The following TENM2 variants were observed in gnomAD, a reference collection of about 807,000 sequenced individuals.
TENM2 encodes the protein teneurin transmembrane protein 2.
Under a neutral mutation model 245.2 loss-of-function variants are expected in TENM2, and 52 were observed. That is an observed-to-expected ratio of 0.21 (90% CI 0.17 to 0.27). TENM2 has a LOEUF of 0.27. Ranked by LOEUF, TENM2 falls within the 10% of genes least tolerant of loss-of-function variation. TENM2 has a pLI of 1.00. For synonymous variants in TENM2, 1,363 were observed against 1,438.9 expected (o/e 0.95, Z 1.19); for missense variants, 3,046 against 3,666.8 (o/e 0.83, Z 4.37).
At chr5:167,418,245 C>G (rs1158651437) in intron 2 of TENM2, among the ~76,000 whole-genome samples, 1 of 151,456 alleles carries the variant, frequency 6.6e-6, no homozygotes, top group Non-Finnish European at 1.5e-5. Flanking sequence ...GGGAGAATTG[C>G]TTGAACCCCG....
At chr5:167,454,064 C>T (rs928032953) in intron 2 of TENM2, among the ~76,000 whole-genome samples, 1 of 152,078 alleles carries the variant, frequency 6.6e-6, no homozygotes, top group Non-Finnish European at 1.5e-5. Flanking sequence ...TGAATTTTCA[C>T]TTCTTGTAAA....
In TENM2 at chr5:168,218,960, C is replaced by T. The variant is rs1159369038; in HGVS notation, c.5069C>T (p.Ala1690Val). 6.2e-7 allele frequency: 1 copy of T among 1,613,906 alleles called. No individual in the cohort carries two copies. The highest frequency in any genetic ancestry group is 1.1e-5 in the South Asian group (1 of 91,060). ...TATGATGGCAACACTGGGCTCCTGG[C>T]CACCAAGAGCGATGAAACAGGATGG... is the stretch of plus-strand genomic sequence containing the variant. The change falls in exon 23 of 29, where the codon GCC (alanine) becomes GTC (valine). Residue 1690 changes from alanine (A) to valine (V), a missense_variant. By Grantham distance (64) the Ala-to-Val change is moderately conservative (BLOSUM62 0). Transcript: ENST00000518659. This position sits in a 1 kb window ranked among gnomAD's most constrained non-coding sequence, Gnocchi z 5.2.
chr5:168,065,140 T>G (rs1160942763), intron 7 of TENM2, among the ~76,000 whole-genome samples: 1 of 152,112 alleles, frequency 6.6e-6, no homozygotes, highest in Non-Finnish European at 1.5e-5. Flanking sequence ...GGGGTGGGGG[T>G]AGAATATGAA....
At chr5:167,660,960 CTTAGTTG>C (rs1009526244) in intron 2 of TENM2, among the ~76,000 whole-genome samples, 1 of 152,026 alleles carries the variant, frequency 6.6e-6, no homozygotes, top group Non-Finnish European at 1.5e-5. Flanking sequence ...GTATGAAAAA[CTTAGTTG>C]TTAGTATAAA....
Position 167,754,289 on chromosome 5 carries a change from A to G in TENM2, c.503-121697A>G, listed in dbSNP as rs145238437. 1.6e-4 allele frequency among the ~76,000 whole-genome samples: 24 copies of G among 152,292 alleles called. No individual in the cohort carries two copies. In the East Asian group the frequency reaches 4.4e-3, roughly 28 times the overall value. On this transcript the variant is annotated intron_variant, in intron 2 of 28. Transcript: ENST00000518659. The stretch of plus-strand genomic sequence containing the variant: ...AGTGCTTTCCAGTACAGGAAAGGAA[A>G]AATAATCCCTTTCAAACTTGATCAG...
At chr5:168,026,276 T>G (rs1786623194) in intron 5 of TENM2, among the ~76,000 whole-genome samples, 1 of 152,090 alleles carries the variant, frequency 6.6e-6, no homozygotes. Context: ...ACCTAAACAT[T>G]TATTCACTGA....
chr5:168,081,067 A>C (rs111987748), intron 7 of TENM2, among the ~76,000 whole-genome samples: 8,097 of 152,178 alleles, frequency 0.053, 583 homozygotes, highest in East Asian at 0.34. Flanking sequence ...TGGGAGTCTA[A>C]GTCTCTTTGT....
intron 9 of TENM2, among the ~76,000 whole-genome samples, chr5:168,115,350 GGGAAGGAAGGGAAGGAA>G (rs1794976518): frequency 1.2e-5 from 1 of 80,590 alleles, no homozygotes; most frequent in Non-Finnish European, 2.2e-5. Flanking sequence ...AAGGAAAGGA[GGGAAGGAAGGGAAGGAA>G]GGAAGGAAGG....
intron 2 of TENM2, among the ~76,000 whole-genome samples, chr5:167,713,922 A>G (rs551501464): frequency 2.8e-4 from 43 of 152,304 alleles, no homozygotes; most frequent in African/African-American, 9.9e-4. Context: ...AGAATATGCT[A>G]TCTCTACTCA....
chr5:168,068,733 T>TAC (rs1790722265), intron 7 of TENM2, among the ~76,000 whole-genome samples: 1 of 152,054 alleles, frequency 6.6e-6, no homozygotes. Context: ...ATCTCCAACA[T>TAC]ACACACACAC....
intron 2 of TENM2, among the ~76,000 whole-genome samples, chr5:167,498,446 A>G (rs1320372141): frequency 6.6e-6 from 1 of 152,088 alleles, no homozygotes. Flanking sequence ...CCAAGAAGGT[A>G]TGACATTGCC....
In TENM2 at chr5:168,159,909, T is replaced by G. The variant is rs528850640; in HGVS notation, c.2423-2702T>G. Among the ~76,000 whole-genome samples, 40 of 152,306 alleles carry G rather than the reference T, an allele frequency of 2.6e-4. 1 individual carries two copies. In the South Asian group the frequency reaches 7.9e-3, roughly 30 times the overall value. On this transcript the variant is annotated intron_variant, in intron 12 of 28. Coordinates refer to ENST00000518659, the Ensembl canonical transcript of TENM2. Reference sequence around the variant, plus strand: ...AATCTAGAAATATATGTATTTTGAGTGCGTATCTCTGACTGACACGCTAGT... The same window carrying G: ...AATCTAGAAATATATGTATTTTGAGGGCGTATCTCTGACTGACACGCTAGT...
At chr5:168,153,250 C>A (rs558250939) in intron 12 of TENM2, among the ~76,000 whole-genome samples, 3 of 152,196 alleles carry the variant, frequency 2.0e-5, no homozygotes, top group African/African-American at 7.2e-5. Context: ...ATGTCTGGGT[C>A]GCTTCCTCAG....
intron 27 of TENM2, among the ~76,000 whole-genome samples, chr5:168,258,083 TAAAGG>T (rs1767840558): frequency 6.6e-6 from 1 of 152,086 alleles, no homozygotes; most frequent in South Asian, 2.1e-4. Flanking sequence ...AAAGTAAAAG[TAAAGG>T]ATTTAGCTGC....
intron 2 of TENM2, among the ~76,000 whole-genome samples, chr5:167,719,688 A>T (rs1008253694): frequency 6.6e-6 from 1 of 152,206 alleles, no homozygotes; most frequent in Non-Finnish European, 1.5e-5. Flanking sequence ...AACTGAGCAG[A>T]TCCTCCAGAA....
At chr5:167,431,102 T>A (rs1561949349) in intron 2 of TENM2, among the ~76,000 whole-genome samples, 1 of 152,216 alleles carries the variant, frequency 6.6e-6, no homozygotes, top group Non-Finnish European at 1.5e-5. Context: ...GAACAAATGA[T>A]CTACGAATCT....
chr5:168,238,232 A>AAG lies in TENM2; in HGVS notation c.5521-6186_5521-6185dup, dbSNP rs1171335091. Among the ~76,000 whole-genome samples, 69 of 96,208 alleles carry AAG rather than the reference A, an allele frequency of 7.2e-4. 2 individuals are homozygous for AAG. The highest frequency in any genetic ancestry group is 1.1e-3 in the Non-Finnish European group (51 of 44,656). 63.1% of individuals were successfully genotyped at this position (96,208 alleles called of 152,430 possible). ...GAGGGAGGGAGAGAGAAGAAAAGAA[A>AAG]AGAAAAGAAAAGAAAAGAAAAGAAA... On this transcript the variant is annotated intron_variant, in intron 25 of 28. Transcript: ENST00000518659.
At position 167,550,965 on chromosome 5, in the gene TENM2, G is replaced by A. The variant is rs184360695; in HGVS notation, c.502+175492G>A. Among the ~76,000 whole-genome samples the A allele has an allele frequency of 3.9e-5, 6 of 152,128 alleles. No homozygotes were observed. In the East Asian group the frequency reaches 1.2e-3, roughly 30 times the overall value. ...GCTGGTCTTGAACTCTTGACCTTAG[G>A]CAATCCACCTGCCTTGGCCTCCCAA... On this transcript the variant is annotated intron_variant, in intron 2 of 28. Transcript: ENST00000518659.
At chr5:168,141,846 A>G (rs1755577489) in intron 12 of TENM2, among the ~76,000 whole-genome samples, 1 of 152,200 alleles carries the variant, frequency 6.6e-6, no homozygotes, top group South Asian at 2.1e-4. Flanking sequence ...ATCTTCATTC[A>G]TCATGCCTCT....
Sources: allele counts gnomAD v4.1 joint callset (sites outside exome capture counted in the v4.1 genomes callset), GRCh38; gene constraint gnomAD v4.1.1; non-coding constraint Gnocchi (gnomAD v3.1); transcripts MANE v1.5; gene names NCBI Gene and HGNC (gene_info 2026-07-23, HGNC 2026-07-21).